PRR15L: variants seen among roughly 807,000 people sequenced by gnomAD.
PRR15L encodes proline rich 15 like.
A neutral mutation model predicts 3.7 loss-of-function variants in PRR15L; 1 was observed. That is an observed-to-expected ratio of 0.27 (90% confidence interval 0.09 to 1.27). The LOEUF is 1.27. Ranked by LOEUF, PRR15L falls within the 50% of genes most tolerant of loss-of-function variation. PRR15L has a pLI of 0.47. For missense variants in PRR15L, 127 were observed against 128.7 expected (o/e 0.99, Z 0.06); for synonymous variants, 57 against 51.9 (o/e 1.10, Z -0.42).
At chr17:47,956,488 C>CA (rs1028179254) in intron 1 of PRR15L, among the ~76,000 whole-genome samples, 3 of 151,570 alleles carry the variant, frequency 2.0e-5, no homozygotes, top group African/African-American at 4.9e-5. Flanking sequence ...ACAACAACAA[C>CA]AAAAAAAGAG....
Position 47,952,578 on chromosome 17 carries a change from G to A in PRR15L, c.*345C>T. ...CCTTGACCCTGTGTCCAGTAAGGAG[G>A]TGAAGTCTGTCTGGCTCACTCTCTC... is the stretch of plus-strand genomic sequence containing the variant. On this transcript the variant is annotated 3_prime_UTR_variant, in exon 2 of 2. Transcript: ENST00000300557. 4.6e-6 allele frequency: 1 copy of A among 218,086 alleles called. No individual in the cohort carries two copies. The highest frequency in any genetic ancestry group is 8.9e-6 in the Non-Finnish European group (1 of 112,054). The allele number at this position is 218,086 out of a possible 1,614,324, so 13.5% of individuals were successfully genotyped here.
rs147483557 is a variant in PRR15L, at chr17:47,953,530, G to A, written c.-29-267C>T. The stretch of plus-strand genomic sequence containing the variant: ...AAAAATTAGCTGGGCGTAGTGGCAC[G>A]CACCTGTAATCCCAGCTACTCGGGT... On this transcript the variant is annotated intron_variant, in intron 1 of 1. Coordinates refer to ENST00000300557, the MANE Select transcript of PRR15L (RefSeq NM_024320.4). 1.7e-3 allele frequency among the ~76,000 whole-genome samples: 254 copies of A among 151,908 alleles called. 4 individuals carry two copies. The East Asian group carries it at 0.04, about 24-fold the overall frequency.
At chr17:47,957,635 C>G (rs11650304) in intron 1 of PRR15L, 22 bp downstream of exon 1, 7,775 of 152,420 alleles carry the variant, frequency 0.051, 264 homozygotes, top group South Asian at 0.079. Context: ...GGTTTCCCCA[C>G]CCACCAGCCC....
At chr17:47,956,365 G>A (rs893736057) in intron 1 of PRR15L, among the ~76,000 whole-genome samples, 2 of 152,212 alleles carry the variant, frequency 1.3e-5, no homozygotes, top group Admixed American at 6.5e-5. Flanking sequence ...CCAGCTACTC[G>A]GGAGGCTGAG....
At chr17:47,954,507 G>A (rs929582961) in intron 1 of PRR15L, among the ~76,000 whole-genome samples, 1 of 152,194 alleles carries the variant, frequency 6.6e-6, no homozygotes, top group African/African-American at 2.4e-5. Flanking sequence ...TGCAGGGTGG[G>A]GCTTGGGGCT....
At chr17:47,957,259 A>C (rs970406930) in intron 1 of PRR15L, among the ~76,000 whole-genome samples, 2 of 152,218 alleles carry the variant, frequency 1.3e-5, no homozygotes, top group Non-Finnish European at 2.9e-5. Flanking sequence ...TAGGGGAAGC[A>C]AGTCAGCTAA....
intron 1 of PRR15L, 141 bp from the exon 2 acceptor site, chr17:47,953,404 A>C: frequency 1.7e-6 from 1 of 576,260 alleles, no homozygotes; most frequent in East Asian, 2.9e-5. Flanking sequence ...CATGCCTATA[A>C]TCCCGGCACT....
rs545777208 is a variant in PRR15L, at chr17:47,954,013, C to T, written c.-29-750G>A. Among the ~76,000 whole-genome samples the T allele has an allele frequency of 4.1e-4, 62 of 152,358 alleles. 1 individual carries two copies. Among genetic ancestry groups the T allele is most frequent in the Admixed American group, 9.8e-4 (15 of 15,310 alleles). On this transcript the variant is annotated intron_variant, in intron 1 of 1. Coordinates refer to ENST00000300557, the MANE Select transcript of PRR15L (RefSeq NM_024320.4). ...ACCAGACCCTGCTGCCAGGCATGGGCAGACCATTGACTGGTAGCATAGGGA... is the reference window on the plus strand; with the variant it reads ...ACCAGACCCTGCTGCCAGGCATGGGTAGACCATTGACTGGTAGCATAGGGA...
chr17:47,957,092 T>C (rs2036138379), intron 1 of PRR15L, among the ~76,000 whole-genome samples: 1 of 152,280 alleles, frequency 6.6e-6, no homozygotes, highest in Admixed American at 6.5e-5. Context: ...TGGCCAGCGC[T>C]ATAGCATGCA....
In PRR15L at chr17:47,952,956, A is replaced by T. The variant is rs1361760579; in HGVS notation, c.279T>A (p.Phe93Leu). 6.2e-7 allele frequency: 1 copy of T among 1,613,948 alleles called. No individual in the cohort carries two copies. Among genetic ancestry groups the T allele is most frequent in the South Asian group, 1.1e-5 (1 of 91,074 alleles). ...ATGACCGTCCTTCCTCGTGATCATCAAAGAGGTTAGGGTTCTCTGCCAGCG... is the reference window on the plus strand; with the variant it reads ...ATGACCGTCCTTCCTCGTGATCATCTAAGAGGTTAGGGTTCTCTGCCAGCG... ...RATLAENPNL[F>L]DDHEEGRSSK The change falls in exon 2 of 2, where the codon TTT becomes TTA. Residue 93 changes from phenylalanine to leucine, a missense_variant. Physicochemically the swap from Phe to Leu is conservative, Grantham distance 22. Transcript: ENST00000300557.
chr17:47,954,399 C>T (rs1351436143), intron 1 of PRR15L, among the ~76,000 whole-genome samples: 1 of 152,204 alleles, frequency 6.6e-6, no homozygotes, highest in East Asian at 1.9e-4. Flanking sequence ...CACCAAGCTT[C>T]CACAAGGACA....
intron 1 of PRR15L, among the ~76,000 whole-genome samples, chr17:47,953,485 C>T (rs1396053497): frequency 6.6e-6 from 1 of 151,918 alleles, no homozygotes; most frequent in Non-Finnish European, 1.5e-5. Context: ...ATGGTGAAAT[C>T]CCGGCTCTAC....
chr17:47,955,984 C>T (rs2036124094), intron 1 of PRR15L, among the ~76,000 whole-genome samples: 1 of 152,240 alleles, frequency 6.6e-6, no homozygotes, highest in African/African-American at 2.4e-5. Flanking sequence ...CCTGTTTTAA[C>T]AGGTATTTCA....
At position 47,952,866 on chromosome 17, in the gene PRR15L, G is replaced by A. The variant is rs2036082712; in HGVS notation, c.*57C>T. On this transcript the variant is annotated 3_prime_UTR_variant, in exon 2 of 2. Transcript: ENST00000300557. ...AAAGAGGCCAGCGTGGCAAGGTCCTGTCTCAGATCTGGCTGATGGCAGGGA... is the reference window on the plus strand; with the variant it reads ...AAAGAGGCCAGCGTGGCAAGGTCCTATCTCAGATCTGGCTGATGGCAGGGA... 3.3e-6 allele frequency: 5 copies of A among 1,533,162 alleles called. No individual in the cohort carries two copies. Among genetic ancestry groups the A allele is most frequent in the Non-Finnish European group, 4.4e-6 (5 of 1,134,774 alleles). 95.0% of individuals were successfully genotyped at this position (1,533,162 alleles called of 1,614,324 possible).
In PRR15L at chr17:47,953,075, G is replaced by A. The variant is rs781450019; in HGVS notation, c.160C>T (p.Arg54Cys). 24 of 1,614,010 alleles carry A rather than the reference G, an allele frequency of 1.5e-5. No individual in the cohort carries two copies. The highest frequency in any genetic ancestry group is 8.8e-5 in the South Asian group (8 of 91,084). Residue 54 changes from arginine (R) to cysteine (C), a missense_variant, in exon 2 of 2, where the codon CGC (arginine) becomes TGC (cysteine). By Grantham distance (180) the Arg-to-Cys change is radical. Coordinates refer to ENST00000300557, the MANE Select transcript of PRR15L (RefSeq NM_024320.4). The stretch of plus-strand genomic sequence containing the variant: ...CTCTTGTCCACAATCTTCTCCAGGC[G>A]GGTGTTAAAGTCGCTGTTGGGGCCT... ...AGGPNSDFNT[R>C]LEKIVDKSTK...
At chr17:47,954,498 G>T (rs747244656) in intron 1 of PRR15L, among the ~76,000 whole-genome samples, 29 of 152,362 alleles carry the variant, frequency 1.9e-4, no homozygotes, top group Non-Finnish European at 5.9e-5. Flanking sequence ...GTTGTACCTT[G>T]CAGGGTGGGG....
intron 1 of PRR15L, 105 bp from the exon 2 acceptor site, chr17:47,953,368 T>A: frequency 1.4e-6 from 1 of 707,868 alleles, no homozygotes; most frequent in Non-Finnish European, 2.3e-6. Flanking sequence ...TTTTAAGAAT[T>A]AAATAAAGGG....
chr17:47,957,742 C>T lies in PRR15L; in HGVS notation c.-115G>A, dbSNP rs752662285. 2.1e-4 allele frequency: 32 copies of T among 152,366 alleles called. No individual in the cohort carries two copies. Among genetic ancestry groups the T allele is most frequent in the East Asian group, 5.8e-4 (3 of 5,200 alleles). The allele number at this position is 152,366 out of a possible 1,614,324, so 9.4% of individuals were successfully genotyped here. ...AGGAGCTGCCTGGGAGGGTGAGACT[C>T]GGGAAGCAAGTGGTGCCTCCGGGCT... On this transcript the variant is annotated 5_prime_UTR_variant, in exon 1 of 2. Coordinates refer to ENST00000300557, the MANE Select transcript of PRR15L (RefSeq NM_024320.4).
chr17:47,953,184 T>C lies in PRR15L; in HGVS notation c.51A>G (p.Lys17=), dbSNP rs1324414419. 3.1e-6 allele frequency: 5 copies of C among 1,600,316 alleles called. No homozygotes were observed. Among genetic ancestry groups the C allele is most frequent in the Non-Finnish European group, 4.3e-6 (5 of 1,170,958 alleles). The stretch of plus-strand genomic sequence containing the variant: ...TCTCATACAGCACTTTGGGAGTGGA[T>C]TTCTTTTTCCGGAGGAAAGTCAGCT... ...WWKLTFLRKK[K]STPKVLYEIP... Residue 17 remains lysine (K), a synonymous_variant, in exon 2 of 2, where the codon AAA becomes AAG. Transcript: ENST00000300557.
Sources: gnomAD v4.1 joint callset for allele counts (sites outside exome capture counted in the v4.1 genomes callset) on GRCh38, gnomAD v4.1.1 for gene constraint, MANE v1.5 for transcripts, NCBI Gene and HGNC (gene_info 2026-07-23, HGNC 2026-07-21) for gene names.